Variants in TRPM1 observed in about 807,000 individuals in gnomAD.
The protein encoded by TRPM1 is transient receptor potential cation channel subfamily M member 1.
TRPM1 carries 113 observed loss-of-function variants against 149.4 expected under a neutral mutation model. The observed-to-expected ratio is 0.76, with a 90% CI of 0.65 to 0.88. The LOEUF is 0.88. TRPM1 is among the 40% of genes least tolerant of loss of function. The pLI is 0.00. For synonymous variants in TRPM1, 741 were observed against 759.5 expected (o/e 0.98, Z 0.40); for missense variants, 1,976 against 2,038.7 (o/e 0.97, Z 0.59).
chr15:31,053,228 C>G (rs931552329), intron 11 of TRPM1, among the ~76,000 whole-genome samples: 2 of 152,126 alleles, frequency 1.3e-5, no homozygotes, highest in Non-Finnish European at 2.9e-5. Context: ...TTATCTCACA[C>G]CCATTAAGAT....
At chr15:31,025,242 A>G (rs16956460) in intron 27 of TRPM1, among the ~76,000 whole-genome samples, 12,302 of 152,202 alleles carry the variant, frequency 0.081, 645 homozygotes, top group Admixed American at 0.14. Context: ...TGTTAGTGAA[A>G]CCCTTTGGAA....
chr15:31,149,526 CTT>C (rs770015508), intron 1 of TRPM1, among the ~76,000 whole-genome samples: 4 of 122,810 alleles, frequency 3.3e-5, no homozygotes, highest in Non-Finnish European at 6.5e-5. Flanking sequence ...CTCTCTCTCT[CTT>C]TTTTTTTTTT....
At chr15:31,116,472 G>T (rs1312989313) in intron 1 of TRPM1, among the ~76,000 whole-genome samples, 1 of 152,052 alleles carries the variant, frequency 6.6e-6, no homozygotes, top group Non-Finnish European at 1.5e-5. Flanking sequence ...GCTGGGTGTG[G>T]TGGCATGAGC....
intron 3 of TRPM1, among the ~76,000 whole-genome samples, chr15:31,075,524 C>T (rs184149678): frequency 3.9e-5 from 6 of 152,260 alleles, no homozygotes; most frequent in Admixed American, 2.0e-4. Flanking sequence ...ATGAGTGGGG[C>T]ACGGGTGGAA....
At chr15:31,026,770 G>A (rs998808037) in intron 26 of TRPM1, 145 bp downstream of exon 26, 29 of 828,376 alleles carry the variant, frequency 3.5e-5, no homozygotes, top group Non-Finnish European at 5.2e-5. Context: ...TACAAAATGA[G>A]AAGCCTTTTG....
chr15:31,023,273 A>T (rs1409995913), intron 27 of TRPM1, among the ~76,000 whole-genome samples: 1 of 152,272 alleles, frequency 6.6e-6, no homozygotes, highest in East Asian at 1.9e-4. Context: ...CAGCCCATGC[A>T]GAGCCCCTGT....
At position 31,152,222 on chromosome 15, in the gene TRPM1, A is replaced by C. The variant is rs2036312063; in HGVS notation, c.54+8684T>G. The stretch of plus-strand genomic sequence containing the variant: ...TGCAGAACTCTGCTCAGGCATGGGC[A>C]TGGATTAGTGCCTGGGTCTGAAGTG... On this transcript the variant is annotated intron_variant, in intron 1 of 26. Coordinates refer to the TRPM1 transcript ENST00000542188. Among the ~76,000 whole-genome samples, 2 of 152,238 alleles carry C rather than the reference A, an allele frequency of 1.3e-5. 1 individual carries two copies. Among genetic ancestry groups the C allele is most frequent in the South Asian group, 4.1e-4 (2 of 4,832 alleles).
intron 1 of TRPM1, among the ~76,000 whole-genome samples, chr15:31,138,080 G>A (rs972394471): frequency 6.6e-6 from 1 of 152,138 alleles, no homozygotes; most frequent in African/African-American, 2.4e-5. Flanking sequence ...AGCAAAGCCT[G>A]AAAAATGACC....
At chr15:31,051,800 A>C (rs1255187210) in intron 11 of TRPM1, among the ~76,000 whole-genome samples, 2 of 152,286 alleles carry the variant, frequency 1.3e-5, no homozygotes, top group Admixed American at 6.5e-5. Flanking sequence ...TCCTGCTTGC[A>C]TGTCTCAAAG....
At chr15:31,074,737 T>C (rs2034647449) in intron 3 of TRPM1, among the ~76,000 whole-genome samples, 1 of 152,188 alleles carries the variant, frequency 6.6e-6, no homozygotes, top group African/African-American at 2.4e-5. Context: ...TTTAGTTTAC[T>C]CTTCTTTTTC....
chr15:31,073,376 T>C (rs1392535310), intron 3 of TRPM1, among the ~76,000 whole-genome samples: 2 of 152,290 alleles, frequency 1.3e-5, no homozygotes, highest in East Asian at 3.9e-4. Context: ...GTCTATCCTA[T>C]GCCAGTATCG....
chr15:31,107,849 A>ATTTCT (rs1050753209), intron 1 of TRPM1, among the ~76,000 whole-genome samples: 1 of 149,104 alleles, frequency 6.7e-6, no homozygotes, highest in Non-Finnish European at 1.5e-5. Flanking sequence ...GAATTTGTAA[A>ATTTCT]TTTCTTTTCT....
At chr15:31,081,827 G>A (rs1763479145) in intron 1 of TRPM1, among the ~76,000 whole-genome samples, 1 of 152,210 alleles carries the variant, frequency 6.6e-6, no homozygotes, top group African/African-American at 2.4e-5. Context: ...CAGCAGCAGA[G>A]CATTTGCCAG....
chr15:31,143,416 G>GT (rs1386466652), intron 1 of TRPM1, among the ~76,000 whole-genome samples: 1 of 151,956 alleles, frequency 6.6e-6, no homozygotes, highest in Non-Finnish European at 1.5e-5. Flanking sequence ...GTTTTGTTTT[G>GT]TTTTTTTGAG....
intron 1 of TRPM1, among the ~76,000 whole-genome samples, chr15:31,088,637 C>G (rs1016898835): frequency 2.0e-5 from 3 of 152,216 alleles, no homozygotes; most frequent in South Asian, 2.1e-4. Context: ...AAGGAACAAA[C>G]TGCGGACATG....
At chr15:31,065,609 C>G (rs1484992392) in intron 7 of TRPM1, among the ~76,000 whole-genome samples, 1 of 152,190 alleles carries the variant, frequency 6.6e-6, no homozygotes, top group Non-Finnish European at 1.5e-5. Flanking sequence ...GAGCAGATGG[C>G]TCCTGCAGCC....
chr15:31,068,909 T>A (rs1285951549), intron 4 of TRPM1, among the ~76,000 whole-genome samples: 1 of 152,116 alleles, frequency 6.6e-6, no homozygotes, highest in African/African-American at 2.4e-5. Flanking sequence ...ACTCTAGAAA[T>A]GTGAGCAATA....
chr15:31,101,397 G>T (rs1371805678), intron 1 of TRPM1, among the ~76,000 whole-genome samples: 1 of 152,172 alleles, frequency 6.6e-6, no homozygotes, highest in Non-Finnish European at 1.5e-5. Flanking sequence ...CTGAACACAG[G>T]TTCACCAGCT....
intron 1 of TRPM1, among the ~76,000 whole-genome samples, chr15:31,085,936 G>T (rs900751580): frequency 4.6e-5 from 7 of 152,152 alleles, no homozygotes; most frequent in African/African-American, 1.7e-4. Context: ...AAAGACCCCA[G>T]GCCCAGACTG....
Sources: allele counts gnomAD v4.1 joint callset (sites outside exome capture counted in the v4.1 genomes callset), GRCh38; gene constraint gnomAD v4.1.1; transcripts MANE v1.5; gene names NCBI Gene and HGNC (gene_info 2026-07-23, HGNC 2026-07-21).